PDGFRL: variants seen among roughly 807,000 people sequenced by gnomAD.
PDGFRL encodes platelet derived growth factor receptor like.
Under a neutral mutation model 37.2 loss-of-function variants are expected in PDGFRL, and 46 were observed. The observed-to-expected ratio is 1.24, with a 90% CI of 0.98 to 1.58. The LOEUF (loss-of-function observed/expected upper bound fraction) is 1.58, where lower values mean the gene tolerates loss of function less well. PDGFRL is among the 40% of genes most tolerant of loss of function. The pLI is 0.00. For synonymous variants in PDGFRL, 251 were observed against 184.3 expected (o/e 1.36, Z -2.93); for missense variants, 692 against 467.6 (o/e 1.48, Z -4.43).
At chr8:17,604,540 A>G (rs1050075531) in intron 2 of PDGFRL, among the ~76,000 whole-genome samples, 8 of 151,962 alleles carry the variant, frequency 5.3e-5, no homozygotes, top group Admixed American at 2.6e-4. Context: ...AACAACGAGA[A>G]TGCATGGACA....
chr8:17,606,036 G>C (rs1005473889), intron 2 of PDGFRL, among the ~76,000 whole-genome samples: 1 of 152,198 alleles, frequency 6.6e-6, no homozygotes, highest in Admixed American at 6.5e-5. Flanking sequence ...TCCAGCATCT[G>C]GAGGGAGAGT....
At chr8:17,596,503 G>A (rs1474972343) in intron 2 of PDGFRL, 2 of 365,666 alleles carry the variant, frequency 5.5e-6, no homozygotes, top group South Asian at 1.5e-4. Flanking sequence ...CCTACACAAA[G>A]CATCTTAAGC....
At chr8:17,594,861 C>A (rs898757776) in intron 2 of PDGFRL, among the ~76,000 whole-genome samples, 1 of 152,234 alleles carries the variant, frequency 6.6e-6, no homozygotes, top group African/African-American at 2.4e-5. Flanking sequence ...TTTTGTAATC[C>A]ATCATCCAGC....
At chr8:17,639,943 C>A (rs1286343930) in intron 5 of PDGFRL, among the ~76,000 whole-genome samples, 1 of 152,172 alleles carries the variant, frequency 6.6e-6, no homozygotes, top group Non-Finnish European at 1.5e-5. Flanking sequence ...TTAATATAAT[C>A]CCAAACATCT....
In PDGFRL at chr8:17,621,834, T is replaced by A. The variant is rs1162092274; in HGVS notation, c.505+632T>A. The stretch of plus-strand genomic sequence containing the variant: ...GACCTCCCATTTGTCCTTTTTATTA[T>A]TTTGTTTTTTGATTTTTCGGTAGAA... On this transcript the variant is annotated intron_variant, in intron 3 of 5. Coordinates refer to ENST00000251630, the MANE Select transcript of PDGFRL (RefSeq NM_001372073.1). Among the ~76,000 whole-genome samples, 11 of 152,252 alleles carry A rather than the reference T, an allele frequency of 7.2e-5. No individual in the cohort carries two copies. In the East Asian group the frequency reaches 1.7e-3, roughly 24 times the overall value.
At chr8:17,577,357 C>G in intron 1 of PDGFRL, 50 bp downstream of exon 1, 1 of 1,513,226 alleles carries the variant, frequency 6.6e-7, no homozygotes. Context: ...TGACTTTAGC[C>G]GGGACCCGAA....
chr8:17,600,592 G>C (rs1804145860), intron 2 of PDGFRL, among the ~76,000 whole-genome samples: 2 of 151,624 alleles, frequency 1.3e-5, no homozygotes, highest in African/African-American at 4.9e-5. Context: ...TTGAGGCCAG[G>C]ACTTTGAGAC....
chr8:17,578,921 C>T (rs1056328323), intron 1 of PDGFRL, among the ~76,000 whole-genome samples: 14 of 152,182 alleles, frequency 9.2e-5, no homozygotes, highest in East Asian at 1.9e-4. Context: ...CACATCTGGC[C>T]GGGCACAGTG....
chr8:17,624,683 C>T (rs1031081544), intron 3 of PDGFRL, among the ~76,000 whole-genome samples: 17 of 152,120 alleles, frequency 1.1e-4, no homozygotes, highest in Non-Finnish European at 2.2e-4. Context: ...CCGAGGCAGG[C>T]GGATCACTTG....
Position 17,592,916 on chromosome 8 carries a change from G to GCACACACACA in PDGFRL, c.353+3177_353+3186dup, listed in dbSNP as rs140137425. On this transcript the variant is annotated intron_variant, in intron 2 of 5. Transcript: ENST00000251630. Reference sequence around the variant, plus strand: ...TTGTCCTTCTTAAACCCACATACATGCACACACACACACACACACACACAC... The same window carrying GCACACACACA: ...TTGTCCTTCTTAAACCCACATACATGCACACACACACACACACACACACACACACACACAC... Among the ~76,000 whole-genome samples the GCACACACACA allele has an allele frequency of 2.0e-3, 58 of 29,576 alleles. 1 individual carries two copies. The South Asian group carries it at 0.034, about 17-fold the overall frequency. 19.4% of individuals were successfully genotyped at this position (29,576 alleles called of 152,430 possible).
chr8:17,600,802 TA>T (rs764849189), intron 2 of PDGFRL, among the ~76,000 whole-genome samples: 333 of 128,398 alleles, frequency 2.6e-3, no homozygotes, highest in African/African-American at 8.4e-3. Context: ...ACCCCATCTC[TA>T]AAAAAAAAAA....
chr8:17,612,003 G>A (rs1804426897), intron 2 of PDGFRL, among the ~76,000 whole-genome samples: 1 of 152,182 alleles, frequency 6.6e-6, no homozygotes, highest in Non-Finnish European at 1.5e-5. Flanking sequence ...TCCAGGGGAG[G>A]TGGCACAGCC....
rs1302920869 is a variant in PDGFRL at position 17,579,544 on chromosome 8, TTTATTATTATTGTTA to T, written c.55+2249_55+2263del. Among the ~76,000 whole-genome samples, 902 of 130,280 alleles carry T rather than the reference TTTATTATTATTGTTA, an allele frequency of 6.9e-3. 12 individuals carry two copies. The highest frequency in any genetic ancestry group is 0.021 in the African/African-American group (768 of 37,132). The allele number at this position is 130,280 out of a possible 152,430, so 85.5% of individuals were successfully genotyped here. A position where few individuals can be genotyped will look rare whatever the true frequency, so the allele number is the denominator to read the frequency against. Reference sequence around the variant, plus strand: ...TCTAAAAGACAGTCTTTATTATTATTTTATTATTATTGTTATTATTATTATTATTATTATTATTAT... The same window carrying T: ...TCTAAAAGACAGTCTTTATTATTATTTTATTATTATTATTATTATTATTAT... On this transcript the variant is annotated intron_variant, in intron 1 of 5. Transcript: ENST00000251630.
chr8:17,602,469 GAGAGT>G (rs1372838866), intron 2 of PDGFRL, among the ~76,000 whole-genome samples: 1 of 152,162 alleles, frequency 6.6e-6, no homozygotes, highest in Admixed American at 6.5e-5. Context: ...TCAGGCAAGA[GAGAGT>G]AATCATCGAA....
chr8:17,577,180 C>A, upstream of PDGFRL: 1 of 1,561,296 alleles, frequency 6.4e-7, no homozygotes. Context: ...CCGCCCCTCG[C>A]CCGCCGCCTC....
chr8:17,577,078 G>C (rs141169026), upstream of PDGFRL: 9,160 of 112,642 alleles, frequency 0.081, 128 homozygotes, highest in Non-Finnish European at 0.11. Context: ...ATTACACAGA[G>C]AACTAAAAAA....
intron 2 of PDGFRL, among the ~76,000 whole-genome samples, chr8:17,598,091 G>C (rs2720477): frequency 0.032 from 4,803 of 152,214 alleles, 137 homozygotes; most frequent in Non-Finnish European, 0.043. Context: ...GTGTAACACA[G>C]AGAAAGCATT....
At chr8:17,579,994 GA>G (rs1374018847) in intron 1 of PDGFRL, among the ~76,000 whole-genome samples, 1 of 152,038 alleles carries the variant, frequency 6.6e-6, no homozygotes, top group Admixed American at 6.5e-5. Flanking sequence ...TTTTCACATT[GA>G]AAAGTATAAA....
intron 2 of PDGFRL, among the ~76,000 whole-genome samples, chr8:17,598,531 C>G (rs1390691720): frequency 6.6e-6 from 1 of 152,184 alleles, no homozygotes; most frequent in Admixed American, 6.5e-5. Flanking sequence ...GTCATTCATT[C>G]ATTCAGTATT....
Sources: allele counts gnomAD v4.1 joint callset (sites outside exome capture counted in the v4.1 genomes callset), GRCh38; gene constraint gnomAD v4.1.1; transcripts MANE v1.5; gene names NCBI Gene and HGNC (gene_info 2026-07-23, HGNC 2026-07-21).